Variants in ARMC9 observed in about 807,000 individuals in gnomAD.
ARMC9 encodes lisH domain-containing protein ARMC9.
ARMC9 carries 94 observed loss-of-function variants against 107.0 expected under a neutral mutation model. The observed-to-expected ratio is 0.88, with a 90% CI of 0.74 to 1.04. The LOEUF is 1.04. ARMC9 is among the 50% of genes least tolerant of loss of function. ARMC9 has a pLI of 0.00. For synonymous variants in ARMC9, 380 were observed against 396.9 expected, an observed-to-expected ratio of 0.96 and a Z score of 0.51; for missense variants, 942 against 1,030.1, an observed-to-expected ratio of 0.91 and a Z score of 1.17.
Position 231,228,748 on chromosome 2 carries a change from G to A in ARMC9, c.622+1950G>A, listed in dbSNP as rs149135116. On this transcript the variant is annotated intron_variant, in intron 7 of 24. Coordinates refer to ENST00000611582, the MANE Select transcript of ARMC9 (RefSeq NM_001352754.2). The stretch of plus-strand genomic sequence containing the variant: ...CCATACCCTGCATCTCTGGACCCTA[G>A]AGAACTGCCTTAGTTGTTAGTTGAA... 6.4e-3 allele frequency among the ~76,000 whole-genome samples: 971 copies of A among 152,248 alleles called. 3 individuals are homozygous for A. Among genetic ancestry groups the A allele is most frequent in the South Asian group, 0.012 (59 of 4,826 alleles).
At chr2:231,303,499 A>G (rs2041878640) in intron 19 of ARMC9, among the ~76,000 whole-genome samples, 1 of 152,164 alleles carries the variant, frequency 6.6e-6, no homozygotes, top group Admixed American at 6.5e-5. Context: ...ATTTTTTCAT[A>G]GATCTGATTA....
At chr2:231,347,458 G>A (rs1351245451) in intron 21 of ARMC9, among the ~76,000 whole-genome samples, 1 of 151,800 alleles carries the variant, frequency 6.6e-6, no homozygotes, top group East Asian at 1.9e-4. Context: ...CAGCTACACT[G>A]GGTACTCCAG....
chr2:231,357,135 G>A (rs1179946699), intron 22 of ARMC9, among the ~76,000 whole-genome samples: 1 of 152,220 alleles, frequency 6.6e-6, no homozygotes, highest in Non-Finnish European at 1.5e-5. Flanking sequence ...TGTTATTGTT[G>A]TTTTCAAGAA....
At chr2:231,324,907 CA>C (rs1011785725) in intron 19 of ARMC9, among the ~76,000 whole-genome samples, 29 of 147,312 alleles carry the variant, frequency 2.0e-4, no homozygotes, top group Non-Finnish European at 2.4e-4. Flanking sequence ...AACCCCATCT[CA>C]AAAAAAAAAA....
chr2:231,241,480 G>A (rs1191471432), intron 9 of ARMC9, among the ~76,000 whole-genome samples: 1 of 152,064 alleles, frequency 6.6e-6, no homozygotes, highest in Non-Finnish European at 1.5e-5. Context: ...GTGAAGCCCT[G>A]TGAAGCCAGC....
chr2:231,301,335 C>G (rs2041712148), intron 19 of ARMC9, among the ~76,000 whole-genome samples: 1 of 152,066 alleles, frequency 6.6e-6, no homozygotes, highest in Non-Finnish European at 1.5e-5. Context: ...TTTACCAGGG[C>G]TTTTATTTAT....
intron 8 of ARMC9, among the ~76,000 whole-genome samples, chr2:231,239,565 C>T (rs1179275297): frequency 6.6e-6 from 1 of 152,224 alleles, no homozygotes; most frequent in Admixed American, 6.5e-5. Context: ...CCCTGATCTT[C>T]AGTTCTGAAG....
At chr2:231,286,469 G>A (rs2040600618) in intron 17 of ARMC9, among the ~76,000 whole-genome samples, 1 of 152,204 alleles carries the variant, frequency 6.6e-6, no homozygotes, top group South Asian at 2.1e-4. Context: ...CAGTTTGGCA[G>A]TTACATGAAA....
intron 19 of ARMC9, among the ~76,000 whole-genome samples, chr2:231,323,081 C>G (rs7604719): frequency 6.6e-6 from 1 of 151,812 alleles, no homozygotes; most frequent in African/African-American, 2.4e-5. Context: ...CCCAGCACTT[C>G]AGGAGGCTAA....
chr2:231,249,938 G>A (rs2037144172), intron 9 of ARMC9, among the ~76,000 whole-genome samples: 1 of 73,244 alleles, frequency 1.4e-5, no homozygotes, highest in Non-Finnish European at 2.7e-5. Flanking sequence ...CTCCACGGGA[G>A]GGAGACCACC....
chr2:231,366,709 C>T (rs2045830350), intron 23 of ARMC9, among the ~76,000 whole-genome samples: 4 of 151,138 alleles, frequency 2.6e-5, no homozygotes, highest in Admixed American at 6.6e-5. Context: ...GGCATGGTGG[C>T]GGGTGCCTGT....
In ARMC9 at chr2:231,362,172, C is replaced by T. The variant is rs2045615377; in HGVS notation, c.2261+1289C>T. ...CAGGGACCTACCTCCCCTACCTGGG[C>T]CTCCTCCCCTCTTTCTGTGGCTGAA... On this transcript the variant is annotated intron_variant, in intron 23 of 24. Coordinates refer to ENST00000611582, the MANE Select transcript of ARMC9 (RefSeq NM_001352754.2). The surrounding 1 kb of genome is among the most constrained non-coding windows in gnomAD (Gnocchi z 4.7). Among the ~76,000 whole-genome samples the T allele has an allele frequency of 6.6e-6, 1 of 152,150 alleles. No homozygotes were observed. The highest frequency in any genetic ancestry group is 2.4e-5 in the African/African-American group (1 of 41,426).
At chr2:231,288,519 A>C (rs1194280538) in intron 17 of ARMC9, 1 of 412,430 alleles carries the variant, frequency 2.4e-6, no homozygotes, top group Non-Finnish European at 5.1e-6. Flanking sequence ...TAGACTGTGA[A>C]GCTGGAACGA....
chr2:231,321,263 C>T (rs1423683087), intron 19 of ARMC9, among the ~76,000 whole-genome samples: 1 of 152,152 alleles, frequency 6.6e-6, no homozygotes, highest in Non-Finnish European at 1.5e-5. Context: ...AGTGGAGGTT[C>T]CTCATGTGCT....
Position 231,314,066 on chromosome 2 carries a change from CT to C in ARMC9, c.1774-17710del, listed in dbSNP as rs1302812868. ...TGAGCCACCACACCAGCCATCTTTTCTTTTTTTTTTTTTTTTTGTTTTTTGT... is the reference window on the plus strand; with the variant it reads ...TGAGCCACCACACCAGCCATCTTTTCTTTTTTTTTTTTTTTTGTTTTTTGT... On this transcript the variant is annotated intron_variant, in intron 19 of 24. Transcript: ENST00000611582. 1.8e-3 allele frequency among the ~76,000 whole-genome samples: 236 copies of C among 131,472 alleles called. 1 individual carries two copies. The highest frequency in any genetic ancestry group is 4.2e-3 in the Middle Eastern group (1 of 238). 86.3% of individuals were successfully genotyped at this position (131,472 alleles called of 152,430 possible).
At chr2:231,248,900 C>G (rs1169034252) in intron 9 of ARMC9, among the ~76,000 whole-genome samples, 1 of 152,006 alleles carries the variant, frequency 6.6e-6, no homozygotes, top group Non-Finnish European at 1.5e-5. Context: ...CCATCGCCTG[C>G]CCAGTCCCCT....
At chr2:231,330,288 C>T (rs919822566) in intron 19 of ARMC9, among the ~76,000 whole-genome samples, 17 of 143,658 alleles carry the variant, frequency 1.2e-4, no homozygotes, top group East Asian at 6.1e-4. Flanking sequence ...AGTACGATGG[C>T]GCAATTTCGT....
At chr2:231,261,474 T>C (rs1449467793) in intron 11 of ARMC9, among the ~76,000 whole-genome samples, 3 of 152,180 alleles carry the variant, frequency 2.0e-5, no homozygotes, top group Non-Finnish European at 4.4e-5. Flanking sequence ...TCATTCCCAA[T>C]AGGATAGGAT....
At chr2:231,205,201 TAAAA>T (rs769562866) in intron 1 of ARMC9, among the ~76,000 whole-genome samples, 1 of 129,466 alleles carries the variant, frequency 7.7e-6, no homozygotes. Context: ...TGTCTCTACT[TAAAA>T]AAAAAAAAAA....
Sources: allele counts gnomAD v4.1 joint callset (sites outside exome capture counted in the v4.1 genomes callset), GRCh38; gene constraint gnomAD v4.1.1; non-coding constraint Gnocchi (gnomAD v3.1); transcripts MANE v1.5; gene names NCBI Gene and HGNC (gene_info 2026-07-23, HGNC 2026-07-21).